ULK4: variants seen among roughly 807,000 people sequenced by gnomAD.
ULK4 encodes unc-51 like kinase 4, also known as inactive serine/threonine-protein kinase ULK4.
ULK4 carries 133 observed loss-of-function variants against 160.6 expected under a neutral mutation model. The observed-to-expected ratio is 0.83, with a 90% CI of 0.72 to 0.96. The LOEUF is 0.96. ULK4 is among the 40% of genes least tolerant of loss of function. ULK4 has a pLI of 0.00. For missense variants in ULK4, 1,580 were observed against 1,499.5 expected, an observed-to-expected ratio of 1.05 and a Z score of -0.89; for synonymous variants, 534 against 539.8, an observed-to-expected ratio of 0.99 and a Z score of 0.15.
intron 19 of ULK4, among the ~76,000 whole-genome samples, chr3:41,817,302 T>C (rs2041000990): frequency 1.3e-5 from 2 of 152,224 alleles, no homozygotes; most frequent in African/African-American, 4.8e-5. Context: ...TCATGGTATA[T>C]ATATGCCACA....
At chr3:41,316,296 T>A (rs543010180) in intron 35 of ULK4, among the ~76,000 whole-genome samples, 3 of 152,166 alleles carry the variant, frequency 2.0e-5, no homozygotes, top group South Asian at 2.1e-4. Flanking sequence ...AGGCTGACTT[T>A]TGGGGTGATA....
At position 41,303,207 on chromosome 3, in the gene ULK4, T is replaced by C. The variant is rs571432778; in HGVS notation, c.3679-53633A>G. ...TTCTCAGAGTTTGGACAAAAAGGTT[T>C]TCCTATTTTTGAATAACACTTAAAG... On this transcript the variant is annotated intron_variant, in intron 35 of 36. Transcript: ENST00000301831. 8.8e-4 allele frequency among the ~76,000 whole-genome samples: 134 copies of C among 152,330 alleles called. 1 individual carries two copies. Among genetic ancestry groups the C allele is most frequent in the African/African-American group, 3.2e-3 (131 of 41,568 alleles).
At chr3:41,600,413 A>C (rs7625536) in intron 31 of ULK4, among the ~76,000 whole-genome samples, 1 of 152,212 alleles carries the variant, frequency 6.6e-6, no homozygotes, top group Non-Finnish European at 1.5e-5. Flanking sequence ...ACCTGTGGCA[A>C]AGAAATCTGA....
chr3:41,418,348 G>T (rs1305601867), intron 34 of ULK4, among the ~76,000 whole-genome samples: 2 of 144,428 alleles, frequency 1.4e-5, no homozygotes, highest in Non-Finnish European at 3.0e-5. Context: ...TTGGCGGGGG[G>T]GGGGGCACGT....
chr3:41,666,096 G>C (rs528275787), intron 29 of ULK4, among the ~76,000 whole-genome samples: 85 of 152,314 alleles, frequency 5.6e-4, no homozygotes, highest in African/African-American at 1.9e-3. Context: ...CAACACTGGT[G>C]AAGTACTTAC....
chr3:41,585,905 A>G (rs551651825), intron 31 of ULK4, among the ~76,000 whole-genome samples: 32 of 152,360 alleles, frequency 2.1e-4, no homozygotes, highest in African/African-American at 7.5e-4. Flanking sequence ...GCAGATGAAA[A>G]GATGCTCAGC....
At chr3:41,549,931 C>A (rs1360457623) in intron 32 of ULK4, among the ~76,000 whole-genome samples, 1 of 151,848 alleles carries the variant, frequency 6.6e-6, no homozygotes, top group Non-Finnish European at 1.5e-5. Context: ...ACAACAAAAA[C>A]CCTGTGAGCT....
chr3:41,843,725 C>T (rs2041993669), intron 17 of ULK4, among the ~76,000 whole-genome samples: 1 of 152,128 alleles, frequency 6.6e-6, no homozygotes, highest in South Asian at 2.1e-4. Context: ...AAGAACAAAG[C>T]TTCCACAGTG....
At chr3:41,701,826 A>G (rs2036684279) in intron 27 of ULK4, among the ~76,000 whole-genome samples, 1 of 152,210 alleles carries the variant, frequency 6.6e-6, no homozygotes, top group South Asian at 2.1e-4. Flanking sequence ...TATTACTAAA[A>G]GAAAAGAAAG....
rs139442827 is a variant in ULK4, at chr3:41,371,126, A to G, written c.3678+26953T>C. The stretch of plus-strand genomic sequence containing the variant: ...CCACTCTGGGCAGGGCATCTCTGAA[A>G]GAAAGGCAGCAGCTCCAGTCAGGGT... On this transcript the variant is annotated intron_variant, in intron 35 of 36. Coordinates refer to ENST00000301831, the MANE Select transcript of ULK4 (RefSeq NM_017886.4). Among the ~76,000 whole-genome samples the G allele has an allele frequency of 2.9e-3, 444 of 152,314 alleles. 2 individuals are homozygous for G. Among genetic ancestry groups the G allele is most frequent in the East Asian group, 0.015 (78 of 5,172 alleles).
At chr3:41,817,676 CT>C (rs2041016470) in intron 19 of ULK4, among the ~76,000 whole-genome samples, 2 of 152,080 alleles carry the variant, frequency 1.3e-5, no homozygotes, top group South Asian at 4.1e-4. Context: ...GGATACTATG[CT>C]CACTACCTGG....
chr3:41,882,012 CAGT>C, intron 17 of ULK4: 1 of 494,094 alleles, frequency 2.0e-6, no homozygotes, highest in Non-Finnish European at 3.6e-6. Context: ...CAGCAAGTAC[CAGT>C]AGAATGAGGC....
intron 35 of ULK4, among the ~76,000 whole-genome samples, chr3:41,288,476 C>T (rs1020113684): frequency 6.6e-6 from 1 of 152,042 alleles, no homozygotes; most frequent in East Asian, 1.9e-4. Context: ...CTTAGAGAGC[C>T]TTTGGAGGTT....
chr3:41,835,986 A>AG lies in ULK4; in HGVS notation c.1657-16_1657-15insC. 6.6e-7 allele frequency: 1 copy of AG among 1,504,472 alleles called. No individual in the cohort carries two copies. The highest frequency in any genetic ancestry group is 1.2e-5 in the South Asian group (1 of 85,654). The allele number at this position is 1,504,472 out of a possible 1,614,324, so 93.2% of individuals were successfully genotyped here. ...AGAACAATTGCCTGCAAAGACAAAAAAAAAAAAAGTAAATTATTTCAAATG... is the reference window on the plus strand; with the variant it reads ...AGAACAATTGCCTGCAAAGACAAAAAGAAAAAAAAGTAAATTATTTCAAATG... On this transcript the variant is annotated splice_polypyrimidine_tract_variant and intron_variant, in intron 17 of 36. Transcript: ENST00000301831.
At chr3:41,570,245 G>A (rs1391190854) in intron 31 of ULK4, among the ~76,000 whole-genome samples, 1 of 152,176 alleles carries the variant, frequency 6.6e-6, no homozygotes, top group Non-Finnish European at 1.5e-5. Context: ...TCCAAATACT[G>A]ATGTCTAAAA....
intron 34 of ULK4, among the ~76,000 whole-genome samples, chr3:41,432,328 CA>C (rs1250512238): frequency 6.6e-6 from 1 of 152,144 alleles, no homozygotes; most frequent in African/African-American, 2.4e-5. Flanking sequence ...ATCACCTCCC[CA>C]AAAACAACAA....
chr3:41,421,926 T>A lies in ULK4; in HGVS notation c.3493-23662A>T, dbSNP rs79875189. On this transcript the variant is annotated intron_variant, in intron 34 of 36. Coordinates refer to ENST00000301831, the MANE Select transcript of ULK4 (RefSeq NM_017886.4). ...GATCTTGTAGATGCAAAATATCAGA[T>A]CACAATGATCCACTTGTTTGTTGTT... Among the ~76,000 whole-genome samples the A allele has an allele frequency of 3.6e-3, 552 of 152,266 alleles. 3 individuals carry two copies. The highest frequency in any genetic ancestry group is 0.015 in the South Asian group (72 of 4,822).
chr3:41,453,712 G>A (rs1302651661), intron 34 of ULK4, among the ~76,000 whole-genome samples: 1 of 152,204 alleles, frequency 6.6e-6, no homozygotes, highest in Non-Finnish European at 1.5e-5. Context: ...AACTCTGCAT[G>A]CAATACGGTC....
At chr3:41,677,469 C>CT (rs951683579) in intron 29 of ULK4, among the ~76,000 whole-genome samples, 4 of 151,764 alleles carry the variant, frequency 2.6e-5, no homozygotes, top group Non-Finnish European at 5.9e-5. Flanking sequence ...GTAGCTAGGA[C>CT]TACAGGTGCC....
Sources: allele counts gnomAD v4.1 joint callset (sites outside exome capture counted in the v4.1 genomes callset), GRCh38; gene constraint gnomAD v4.1.1; transcripts MANE v1.5; gene names NCBI Gene and HGNC (gene_info 2026-07-23, HGNC 2026-07-21).